SIPA1L2: variants seen among roughly 807,000 people sequenced by gnomAD.
The protein encoded by SIPA1L2 is signal-induced proliferation-associated 1-like protein 2.
Under a neutral mutation model 163.9 loss-of-function variants are expected in SIPA1L2, and 56 were observed. That is an observed-to-expected ratio of 0.34 (90% CI 0.28 to 0.43). The LOEUF is 0.43. SIPA1L2 is among the 20% of genes least tolerant of loss of function. The probability of loss-of-function intolerance (pLI) is 1.00; values close to 1 mark genes in which losing one functional copy is unlikely to be tolerated. For synonymous variants in SIPA1L2, 877 were observed against 865.7 expected, an observed-to-expected ratio of 1.01 and a Z score of -0.23; for missense variants, 1,974 against 2,193.5, an observed-to-expected ratio of 0.90 and a Z score of 2.00.
chr1:232,618,390 T>A (rs1476919730), intron 1 of SIPA1L2, among the ~76,000 whole-genome samples: 1 of 152,118 alleles, frequency 6.6e-6, no homozygotes, highest in Non-Finnish European at 1.5e-5. Flanking sequence ...GCGCGGTGGC[T>A]CACACCTGTA....
intron 18 of SIPA1L2, among the ~76,000 whole-genome samples, chr1:232,424,298 C>G (rs1278610017): frequency 2.1e-5 from 2 of 96,172 alleles, no homozygotes; most frequent in African/African-American, 4.1e-5. Context: ...TCTAAGAAGT[C>G]TATTTTTTTT....
chr1:232,606,725 TATGTA>T (rs1296051626), intron 1 of SIPA1L2, among the ~76,000 whole-genome samples: 1 of 151,262 alleles, frequency 6.6e-6, no homozygotes, highest in Non-Finnish European at 1.5e-5. Context: ...TATTTCTTCC[TATGTA>T]ATAAGTTTAA....
chr1:232,408,064 G>A (rs1660743031), intron 19 of SIPA1L2, among the ~76,000 whole-genome samples: 1 of 152,010 alleles, frequency 6.6e-6, no homozygotes, highest in Admixed American at 6.6e-5. Context: ...AGCACTGCAG[G>A]GTGGCAAAAC....
chr1:232,444,459 T>G lies in SIPA1L2; in HGVS notation c.3354-774A>C, dbSNP rs529907079. ...GAAAGTTATAAACTTAGCCGACTTT[T>G]GAGTTGGGAGACCCAGAGCCAAGAT... On this transcript the variant is annotated intron_variant, in intron 11 of 22. Transcript: ENST00000674635. Among the ~76,000 whole-genome samples the G allele has an allele frequency of 3.3e-5, 5 of 152,312 alleles. No individual in the cohort carries two copies. In the South Asian group the frequency reaches 1.0e-3, roughly 32 times the overall value.
At chr1:232,541,851 AT>A (rs1657697872) in intron 2 of SIPA1L2, among the ~76,000 whole-genome samples, 1 of 52,104 alleles carries the variant, frequency 1.9e-5, no homozygotes, top group Non-Finnish European at 3.8e-5. Flanking sequence ...GATCCTACAG[AT>A]TTAAAAAAAA....
intron 15 of SIPA1L2, among the ~76,000 whole-genome samples, chr1:232,438,314 C>G (rs1269759377): frequency 6.6e-6 from 1 of 152,136 alleles, no homozygotes; most frequent in Non-Finnish European, 1.5e-5. Flanking sequence ...TAACTTGGAG[C>G]TGAATCAGGG....
chr1:232,445,920 C>T (rs556529849), intron 10 of SIPA1L2, 134 bp from the exon 11 acceptor site: 15 of 866,020 alleles, frequency 1.7e-5, no homozygotes, highest in East Asian at 1.5e-4. Context: ...TGATGCAGAG[C>T]GATCCACCCT....
At chr1:232,423,857 T>C (rs1414467910) in intron 18 of SIPA1L2, among the ~76,000 whole-genome samples, 3 of 152,208 alleles carry the variant, frequency 2.0e-5, no homozygotes, top group Non-Finnish European at 2.9e-5. Flanking sequence ...TGAATGCTTA[T>C]TACTAAGTAG....
rs61823600 is a variant in SIPA1L2, at chr1:232,480,154, C to T, written c.1982-424G>A. 5.1e-3 allele frequency among the ~76,000 whole-genome samples: 677 copies of T among 132,704 alleles called. 4 individuals are homozygous for T. Among genetic ancestry groups the T allele is most frequent in the Admixed American group, 7.2e-3 (94 of 13,124 alleles). 87.1% of individuals were successfully genotyped at this position (132,704 alleles called of 152,430 possible). Reference sequence around the variant, plus strand: ...CTGGCCGCATCTGTGTGTGTGTGTGCGTGTGTGTGTGTGTGTGTGTGTGTG... The same window carrying T: ...CTGGCCGCATCTGTGTGTGTGTGTGTGTGTGTGTGTGTGTGTGTGTGTGTG... On this transcript the variant is annotated intron_variant, in intron 6 of 22. Coordinates refer to ENST00000674635, the MANE Select transcript of SIPA1L2 (RefSeq NM_020808.5).
At chr1:232,432,131 T>C in intron 16 of SIPA1L2, 116 bp downstream of exon 16, 1 of 801,978 alleles carries the variant, frequency 1.2e-6, no homozygotes, top group Non-Finnish European at 1.9e-6. Context: ...TTAAGAAAGA[T>C]GTTTTTAGAT....
chr1:232,560,426 T>C (rs1002240479), intron 2 of SIPA1L2, among the ~76,000 whole-genome samples: 10 of 152,252 alleles, frequency 6.6e-5, no homozygotes, highest in African/African-American at 2.2e-4. Context: ...GAATAAAAAA[T>C]TTAATTCAGA....
At chr1:232,513,745 C>G (rs1423762490) in intron 3 of SIPA1L2, 112 bp downstream of exon 3, 4 of 1,151,078 alleles carry the variant, frequency 3.5e-6, no homozygotes, top group Non-Finnish European at 4.9e-6. Context: ...GCCCAGTGGA[C>G]TATGGCCTTG....
At position 232,604,585 on chromosome 1, in the gene SIPA1L2, T is replaced by C. The variant is rs76523121; in HGVS notation, c.-319+25284A>G. On this transcript the variant is annotated intron_variant, in intron 1 of 22. Coordinates refer to ENST00000674635, the MANE Select transcript of SIPA1L2 (RefSeq NM_020808.5). ...CAAGGTGGTGTATCTGTTTGGGTTT[T>C]GTTTTGGTTTGGTTTGGTTTTTTTG... is the stretch of plus-strand genomic sequence containing the variant. 2.8e-4 allele frequency among the ~76,000 whole-genome samples: 43 copies of C among 152,280 alleles called. No homozygotes were observed. The East Asian group carries it at 6.8e-3, about 24-fold the overall frequency.
At chr1:232,459,171 GT>G (rs1572929916) in intron 10 of SIPA1L2, among the ~76,000 whole-genome samples, 1 of 152,200 alleles carries the variant, frequency 6.6e-6, no homozygotes, top group East Asian at 1.9e-4. Flanking sequence ...GGAGATCATG[GT>G]TTAGCTGATC....
chr1:232,565,676 C>A (rs570476808), intron 2 of SIPA1L2, among the ~76,000 whole-genome samples: 3 of 152,314 alleles, frequency 2.0e-5, no homozygotes, highest in African/African-American at 7.2e-5. Context: ...AAAATCAATA[C>A]AGAAAATTAT....
intron 2 of SIPA1L2, among the ~76,000 whole-genome samples, chr1:232,531,400 A>G (rs1656928183): frequency 6.6e-6 from 1 of 152,148 alleles, no homozygotes; most frequent in Non-Finnish European, 1.5e-5. Flanking sequence ...GCAAGACCTA[A>G]GTTCAAATGC....
chr1:232,500,009 G>C (rs998132780), intron 3 of SIPA1L2, among the ~76,000 whole-genome samples: 1 of 151,452 alleles, frequency 6.6e-6, no homozygotes, highest in Admixed American at 6.6e-5. Flanking sequence ...ACGGAGTCTC[G>C]CTCTGTTGCC....
In SIPA1L2 at chr1:232,538,426, G is replaced by C. The variant is rs143810539; in HGVS notation, c.-269-22818C>G. On this transcript the variant is annotated intron_variant, in intron 2 of 22. Transcript: ENST00000674635. ...ATGACTCAGAGGGAAAGAATGCCTG[G>C]TGCCTCCGCAATATCTGATCCTTTC... Among the ~76,000 whole-genome samples, 5 of 152,252 alleles carry C rather than the reference G, an allele frequency of 3.3e-5. No homozygotes were observed. In the East Asian group the frequency reaches 9.6e-4, roughly 29 times the overall value.
intron 2 of SIPA1L2, among the ~76,000 whole-genome samples, chr1:232,556,473 T>C (rs2102732621): frequency 6.6e-6 from 1 of 152,330 alleles, no homozygotes; most frequent in African/African-American, 2.4e-5. Context: ...AAATGTGCTC[T>C]GATGCTGCAC....
Sources: allele counts gnomAD v4.1 joint callset (sites outside exome capture counted in the v4.1 genomes callset), GRCh38; gene constraint gnomAD v4.1.1; transcripts MANE v1.5; gene names NCBI Gene and HGNC (gene_info 2026-07-23, HGNC 2026-07-21).